BEND5: variants seen among roughly 807,000 people sequenced by gnomAD.
BEND5 encodes the protein BEN domain containing 5, also known as BEN domain-containing protein 5.
In BEND5, 22 loss-of-function variants were observed where a neutral mutation model predicts 43.9. The observed-to-expected ratio is 0.50, with a 90% confidence interval of 0.36 to 0.72. BEND5 has a LOEUF of 0.72. BEND5 is among the 30% of genes least tolerant of loss of function. The pLI is 0.00. For missense variants in BEND5, 428 were observed against 550.6 expected (o/e 0.78, Z 2.23); for synonymous variants, 228 against 225.9 (o/e 1.01, Z -0.08).
intron 3 of BEND5, among the ~76,000 whole-genome samples, 185 bp downstream of exon 3, chr1:48,758,714 TA>T (rs1644082011): frequency 6.6e-6 from 1 of 152,212 alleles, no homozygotes; most frequent in Non-Finnish European, 1.5e-5. Flanking sequence ...GCTGCATACA[TA>T]AGCTCCTACC....
intron 3 of BEND5, among the ~76,000 whole-genome samples, chr1:48,752,931 G>C (rs1651978007): frequency 6.6e-6 from 1 of 152,112 alleles, no homozygotes; most frequent in African/African-American, 2.4e-5. Context: ...TGTATTTTTA[G>C]TAGAGGCGGG....
intron 3 of BEND5, among the ~76,000 whole-genome samples, chr1:48,754,647 A>G (rs905525663): frequency 6.6e-6 from 1 of 152,186 alleles, no homozygotes; most frequent in African/African-American, 2.4e-5. Context: ...AAAAGTTTAC[A>G]TATGCAAATT....
intron 3 of BEND5, among the ~76,000 whole-genome samples, chr1:48,752,897 G>A (rs947327274): frequency 9.9e-5 from 15 of 152,040 alleles, no homozygotes; most frequent in African/African-American, 2.9e-4. Flanking sequence ...CTACAGGCAC[G>A]CGCCCCCATG....
chr1:48,761,459 C>A lies in BEND5; in HGVS notation c.238G>T (p.Asp80Tyr). 1 of 1,550,700 alleles carries A rather than the reference C, an allele frequency of 6.4e-7. No homozygotes were observed. The highest frequency in any genetic ancestry group is 1.2e-5 in the South Asian group (1 of 83,938). ...QILALAEDKSDLENSVMQKKI... is the reference protein window; with the variant it reads ...QILALAEDKSYLENSVMQKKI... The stretch of plus-strand genomic sequence containing the variant: ...TTCTGCATCACACTGTTTTCAAGGT[C>A]AGATTTGTCTTCTAAAATGCATATC... The change falls in exon 2 of 6, where the codon GAC (aspartate) becomes TAC (tyrosine). Residue 80 changes from aspartate to tyrosine, a missense_variant. By Grantham distance (160) the Asp-to-Tyr change is radical. Transcript: ENST00000371833.
At chr1:48,763,614 C>T (rs1375695052) in intron 1 of BEND5, among the ~76,000 whole-genome samples, 1 of 152,118 alleles carries the variant, frequency 6.6e-6, no homozygotes, top group East Asian at 1.9e-4. Context: ...AGGGCAAAGT[C>T]TGACATGCAG....
intron 1 of BEND5, among the ~76,000 whole-genome samples, chr1:48,763,470 TTGTGTGTGTGTA>T (rs1430470701): frequency 6.6e-6 from 1 of 151,922 alleles, no homozygotes; most frequent in Non-Finnish European, 1.5e-5. Context: ...TGGTGTTTTT[TTGTGTGTGTGTA>T]TGTGTGTGTG....
At chr1:48,729,529 G>GA (rs1191086511) in intron 5 of BEND5, among the ~76,000 whole-genome samples, 1 of 152,174 alleles carries the variant, frequency 6.6e-6, no homozygotes, top group Non-Finnish European at 1.5e-5. Context: ...AATTGTCTCA[G>GA]AGATGCAGAA....
chr1:48,729,088 G>A (rs1647675923), intron 5 of BEND5, among the ~76,000 whole-genome samples: 1 of 152,078 alleles, frequency 6.6e-6, no homozygotes, highest in South Asian at 2.1e-4. Context: ...TCATAAATAA[G>A]GATAACAAAC....
At position 48,748,729 on chromosome 1, in the gene BEND5, C is replaced by T. The variant is rs780390807; in HGVS notation, c.746-5958G>A. 5.3e-5 allele frequency among the ~76,000 whole-genome samples: 8 copies of T among 151,996 alleles called. No individual in the cohort carries two copies. In the Middle Eastern group the frequency reaches 0.01, roughly 194 times the overall value. ...AATTTGGGGAGGGGGAGATCACTGC[C>T]GGTTAAGGGATCCTAGAAGGCTTCA... On this transcript the variant is annotated intron_variant, in intron 3 of 5. Coordinates refer to ENST00000371833, the MANE Select transcript of BEND5 (RefSeq NM_024603.4).
At position 48,776,588 on chromosome 1, in the gene BEND5, C is replaced by T; in HGVS notation, c.226+18G>A. 4 of 1,410,266 alleles carry T rather than the reference C, an allele frequency of 2.8e-6. No individual in the cohort carries two copies. The highest frequency in any genetic ancestry group is 3.7e-6 in the Non-Finnish European group (4 of 1,087,226). 87.4% of individuals were successfully genotyped at this position (1,410,266 alleles called of 1,614,324 possible). On this transcript the variant is annotated intron_variant, in intron 1 of 5. Transcript: ENST00000371833. ...CCCCCGCCCGGGTCCCACCGTCCCT[C>T]CCCGCCCGCTTGCTCACCTGCCAGC...
At chr1:48,755,692 C>G (rs940426318) in intron 3 of BEND5, among the ~76,000 whole-genome samples, 4 of 152,126 alleles carry the variant, frequency 2.6e-5, no homozygotes, top group African/African-American at 9.7e-5. Flanking sequence ...GGATATCTTA[C>G]CAGACTTTCC....
intron 5 of BEND5, among the ~76,000 whole-genome samples, chr1:48,732,180 C>A (rs1311235811): frequency 1.3e-5 from 2 of 151,778 alleles, no homozygotes; most frequent in Non-Finnish European, 2.9e-5. Flanking sequence ...GTACTATTCA[C>A]CAAGACAGGG....
intron 1 of BEND5, 53 bp downstream of exon 1, chr1:48,776,552 CG>C: frequency 7.7e-7 from 1 of 1,303,190 alleles, no homozygotes. Context: ...CGGCCCCTCC[CG>C]GGGTCCCAGC....
At chr1:48,751,261 G>C (rs912627472) in intron 3 of BEND5, among the ~76,000 whole-genome samples, 1 of 152,166 alleles carries the variant, frequency 6.6e-6, no homozygotes, top group Non-Finnish European at 1.5e-5. Context: ...AATTAAGCAG[G>C]AAATATTCAT....
intron 3 of BEND5, among the ~76,000 whole-genome samples, chr1:48,756,692 T>C (rs1643948672): frequency 6.6e-6 from 1 of 152,214 alleles, no homozygotes; most frequent in Non-Finnish European, 1.5e-5. Context: ...TGCGGATTTG[T>C]CTTGGAAGTT....
At chr1:48,757,524 T>G (rs1003174630) in intron 3 of BEND5, among the ~76,000 whole-genome samples, 18 of 151,908 alleles carry the variant, frequency 1.2e-4, no homozygotes, top group African/African-American at 3.9e-4. Flanking sequence ...GTGACTAGAG[T>G]TGAGACAGAA....
chr1:48,776,093 G>A (rs979853373), intron 1 of BEND5, among the ~76,000 whole-genome samples: 1 of 152,160 alleles, frequency 6.6e-6, no homozygotes, highest in South Asian at 2.1e-4. Context: ...CCCTCTGTGA[G>A]GAGGGACTCC....
At chr1:48,734,492 T>G (rs886463809) in intron 5 of BEND5, among the ~76,000 whole-genome samples, 3 of 152,172 alleles carry the variant, frequency 2.0e-5, no homozygotes, top group East Asian at 3.9e-4. Flanking sequence ...TCCATTGCCC[T>G]TTGACTCCAG....
intron 1 of BEND5, among the ~76,000 whole-genome samples, chr1:48,768,644 C>T (rs187736808): frequency 6.6e-6 from 1 of 152,212 alleles, no homozygotes; most frequent in Admixed American, 6.5e-5. Context: ...TCTTAACTTC[C>T]ATTTGACATA....
Sources: gnomAD v4.1 joint callset for allele counts (sites outside exome capture counted in the v4.1 genomes callset) on GRCh38, gnomAD v4.1.1 for gene constraint, MANE v1.5 for transcripts, NCBI Gene and HGNC (gene_info 2026-07-23, HGNC 2026-07-21) for gene names.